CCDC186: variants seen among roughly 807,000 people sequenced by gnomAD.
CCDC186 encodes coiled-coil domain-containing protein 186.
In CCDC186, 49 loss-of-function variants were observed where a neutral mutation model predicts 113.7. That is an observed-to-expected ratio of 0.43 (90% confidence interval 0.34 to 0.55). CCDC186 has a LOEUF of 0.55. Ranked by LOEUF, CCDC186 falls within the 20% of genes least tolerant of loss-of-function variation. The pLI, the probability that CCDC186 is intolerant of heterozygous loss-of-function variation, is 0.02. For synonymous variants in CCDC186, 355 were observed against 345.8 expected, an observed-to-expected ratio of 1.03 and a Z score of -0.30; for missense variants, 890 against 1,011.1, an observed-to-expected ratio of 0.88 and a Z score of 1.62.
intron 1 of CCDC186, among the ~76,000 whole-genome samples, chr10:114,167,474 GTAAGCTGAGTCCTC>G (rs2032369633): frequency 6.6e-6 from 1 of 152,082 alleles, no homozygotes; most frequent in Admixed American, 6.5e-5. Flanking sequence ...AAGAAAAACA[GTAAGCTGAGTCCTC>G]ATGTAGGCCT....
At chr10:114,142,504 G>A (rs949684342) in intron 6 of CCDC186, among the ~76,000 whole-genome samples, 4 of 152,196 alleles carry the variant, frequency 2.6e-5, no homozygotes, top group South Asian at 2.1e-4. Flanking sequence ...AAGTAGATGA[G>A]GTACACTGGG....
chr10:114,135,282 C>T (rs951692188), intron 9 of CCDC186, among the ~76,000 whole-genome samples: 1 of 152,110 alleles, frequency 6.6e-6, no homozygotes, highest in East Asian at 1.9e-4. Flanking sequence ...CATCTCCTCA[C>T]CTGAAAAAGA....
rs761037441 is a variant in CCDC186, at chr10:114,136,146, A to T, written c.1425+2T>A. On this transcript the variant is annotated splice_donor_variant, in intron 8 of 15. Transcript: ENST00000369287. LOFTEE classifies it high-confidence loss of function. ...GGATATATAAAGAGCAAAACTACTCACCTCTAGCTGGTCAGATTTTTCTTG... is the reference window on the plus strand; with the variant it reads ...GGATATATAAAGAGCAAAACTACTCTCCTCTAGCTGGTCAGATTTTTCTTG... The T allele has an allele frequency of 1.7e-5, 27 of 1,609,418 alleles. No homozygotes were observed. The highest frequency in any genetic ancestry group is 2.3e-5 in the Non-Finnish European group (27 of 1,176,666).
rs200549645 is a variant in CCDC186 at position 114,134,977 on chromosome 10, C to T, written c.1591G>A (p.Ala531Thr). ...TTGTCCAATAAATTCTGAATTTCAG[C>T]TTTTTGGCGATTAATAATTTCCTTA... is the stretch of plus-strand genomic sequence containing the variant. ...KYKEIINRQK[A>T]EIQNLLDKVK... Residue 531 changes from alanine (A) to threonine (T), a missense_variant, in exon 10 of 16, where the codon GCT (alanine) becomes ACT (threonine). Transcript: ENST00000369287. The T allele has an allele frequency of 7.4e-6, 12 of 1,612,544 alleles. No homozygotes were observed. The Middle Eastern group carries it at 5.0e-4, about 67-fold the overall frequency.
chr10:114,149,924 C>T (rs1036596063), intron 4 of CCDC186, among the ~76,000 whole-genome samples: 1 of 151,998 alleles, frequency 6.6e-6, no homozygotes, highest in Non-Finnish European at 1.5e-5. Flanking sequence ...TGTTTGGGCC[C>T]GCTAAAACCA....
chr10:114,145,795 A>G, intron 4 of CCDC186, 34 bp from the exon 5 acceptor site: 1 of 1,526,530 alleles, frequency 6.6e-7, no homozygotes, highest in South Asian at 1.3e-5. Flanking sequence ...ATTAATGAAA[A>G]ATAATGTTTC....
At chr10:114,168,887 A>G (rs1449918003) in intron 1 of CCDC186, among the ~76,000 whole-genome samples, 1 of 152,258 alleles carries the variant, frequency 6.6e-6, no homozygotes, top group African/African-American at 2.4e-5. Flanking sequence ...GTAACAGGTT[A>G]TCAAACAAAC....
chr10:114,150,538 T>G (rs1214095319), intron 4 of CCDC186, among the ~76,000 whole-genome samples: 1 of 152,128 alleles, frequency 6.6e-6, no homozygotes. Context: ...GAATGGGATA[T>G]AAAAGGATTG....
chr10:114,164,353 C>T (rs2032273668), intron 1 of CCDC186, among the ~76,000 whole-genome samples: 1 of 151,718 alleles, frequency 6.6e-6, no homozygotes, highest in Admixed American at 6.6e-5. Flanking sequence ...AAACTCCTGA[C>T]CTCAGGTGAT....
chr10:114,124,740 G>A lies in CCDC186; in HGVS notation c.*403C>T, dbSNP rs139286873. The A allele has an allele frequency of 8.6e-4, 135 of 157,320 alleles. 3 individuals are homozygous for A. The East Asian group carries it at 0.021, about 25-fold the overall frequency. 9.7% of individuals were successfully genotyped at this position (157,320 alleles called of 1,614,324 possible). A position where few individuals can be genotyped will look rare whatever the true frequency, so the allele number is the denominator to read the frequency against. ...GTTGTCTTGATGTTGGAGAAATAGCGTATTACTGAATGTTTACCACCTGTT... is the reference window on the plus strand; with the variant it reads ...GTTGTCTTGATGTTGGAGAAATAGCATATTACTGAATGTTTACCACCTGTT... On this transcript the variant is annotated 3_prime_UTR_variant, in exon 16 of 16. Coordinates refer to ENST00000369287, the MANE Select transcript of CCDC186 (RefSeq NM_018017.4).
In CCDC186 at chr10:114,131,335, T is replaced by G; in HGVS notation, c.1913A>C (p.Glu638Ala). Residue 638 changes from glutamate to alanine, a missense_variant and splice_region_variant, in exon 12 of 16, where the codon GAA becomes GCA. Glu to Ala is a moderately radical substitution (Grantham distance 107). Transcript: ENST00000369287. ...TTCTTCCTCTTTCAACAACCTACTTTCCTGAATAGTAAGTAAAACAAAAAC... is the reference window on the plus strand; with the variant it reads ...TTCTTCCTCTTTCAACAACCTACTTGCCTGAATAGTAAGTAAAACAAAAAC... ...EQMKQTNINL[E>A]SRLLKEEELR... The G allele has an allele frequency of 6.4e-7, 1 of 1,560,120 alleles. No individual in the cohort carries two copies. The highest frequency in any genetic ancestry group is 8.6e-7 in the Non-Finnish European group (1 of 1,158,426).
chr10:114,137,087 A>C, intron 7 of CCDC186, 99 bp downstream of exon 7: 2 of 822,042 alleles, frequency 2.4e-6, no homozygotes, highest in Non-Finnish European at 3.8e-6. Flanking sequence ...ATTGAACTCC[A>C]GCCCGGGCGA....
In CCDC186 at chr10:114,121,009, T is replaced by C. The variant is rs199686900; in HGVS notation, c.*4134A>G. ...CAATACACACACACACACATATATA[T>C]ATGTCCTCTGGAAGATAAACAAGTT... is the stretch of plus-strand genomic sequence containing the variant. On this transcript the variant is annotated 3_prime_UTR_variant, in exon 16 of 16. Transcript: ENST00000369287. 1.3e-5 allele frequency: 2 copies of C among 152,144 alleles called. No homozygotes were observed. Among genetic ancestry groups the C allele is most frequent in the Admixed American group, 6.5e-5 (1 of 15,268 alleles). 9.4% of individuals were successfully genotyped at this position (152,144 alleles called of 1,614,324 possible).
At chr10:114,172,384 A>G (rs181067058) in intron 1 of CCDC186, among the ~76,000 whole-genome samples, 1 of 152,372 alleles carries the variant, frequency 6.6e-6, no homozygotes, top group African/African-American at 2.4e-5. Context: ...ATACTAAGCA[A>G]TCATTAGCTA....
rs931259730 is a variant in CCDC186 at position 114,129,708 on chromosome 10, T to C, written c.2182+183A>G. Among the ~76,000 whole-genome samples, 8 of 152,200 alleles carry C rather than the reference T, an allele frequency of 5.3e-5. No homozygotes were observed. In the East Asian group the frequency reaches 1.5e-3, roughly 29 times the overall value. ...CCACACTCAGCTGATTTTTGTATTT[T>C]TAGTAGAGACGGGGTTTCTCCATGT... On this transcript the variant is annotated intron_variant, in intron 13 of 15. Transcript: ENST00000369287.
At chr10:114,128,229 T>C (rs1295410976) in intron 13 of CCDC186, among the ~76,000 whole-genome samples, 1 of 152,192 alleles carries the variant, frequency 6.6e-6, no homozygotes, top group African/African-American at 2.4e-5. Context: ...AAAAGGCATA[T>C]AGTAAGCATT....
chr10:114,143,617 T>C (rs576741552), intron 6 of CCDC186, among the ~76,000 whole-genome samples: 2 of 152,334 alleles, frequency 1.3e-5, no homozygotes, highest in South Asian at 4.1e-4. Flanking sequence ...AATCTACCTT[T>C]GACCACTGTC....
intron 4 of CCDC186, among the ~76,000 whole-genome samples, chr10:114,147,909 G>A (rs184402498): frequency 1.7e-4 from 26 of 152,146 alleles, no homozygotes; most frequent in Non-Finnish European, 3.7e-4. Context: ...TGAGCAGATC[G>A]CCTGAGCCCA....
chr10:114,154,079 T>C (rs1344417530), intron 3 of CCDC186, among the ~76,000 whole-genome samples: 1 of 151,372 alleles, frequency 6.6e-6, no homozygotes, highest in African/African-American at 2.4e-5. Context: ...GATGTGGTGA[T>C]GCACGCCTGT....
Sources: allele counts gnomAD v4.1 joint callset (sites outside exome capture counted in the v4.1 genomes callset), GRCh38; gene constraint gnomAD v4.1.1; transcripts MANE v1.5; gene names NCBI Gene and HGNC (gene_info 2026-07-23, HGNC 2026-07-21).